The following ASIC2 variants were observed in gnomAD, a reference collection of about 807,000 sequenced individuals.
ASIC2 encodes acid-sensing ion channel 2.
ASIC2 carries 25 observed loss-of-function variants against 57.3 expected under a neutral mutation model. The observed-to-expected ratio is 0.44, with a 90% confidence interval of 0.32 to 0.61. The LOEUF is 0.61. Among genes scored for constraint, ASIC2 ranks in the 20% least tolerant of loss-of-function variants. The pLI is 0.06. For synonymous variants in ASIC2, 319 were observed against 307.5 expected (o/e 1.04, Z -0.39); for missense variants, 641 against 738.1 (o/e 0.87, Z 1.52).
intron 1 of ASIC2, among the ~76,000 whole-genome samples, chr17:33,336,964 G>T (rs553700063): frequency 2.0e-5 from 3 of 152,260 alleles, no homozygotes; most frequent in African/African-American, 7.2e-5. Context: ...AGCAGAGAAG[G>T]GGGATTCATC....
At chr17:33,488,614 A>C (rs905838664) in intron 1 of ASIC2, among the ~76,000 whole-genome samples, 18 of 152,214 alleles carry the variant, frequency 1.2e-4, no homozygotes, top group Non-Finnish European at 2.2e-4. Context: ...AAACACACAC[A>C]GCATAAAATG....
chr17:33,609,598 C>A (rs978332308), intron 1 of ASIC2, among the ~76,000 whole-genome samples: 8 of 152,194 alleles, frequency 5.3e-5, no homozygotes, highest in Non-Finnish European at 1.0e-4. Context: ...CCCTGAAATT[C>A]CCTCCCTCTT....
intron 1 of ASIC2, among the ~76,000 whole-genome samples, chr17:34,031,112 C>G (rs866959931): frequency 6.6e-6 from 1 of 152,200 alleles, no homozygotes; most frequent in Admixed American, 6.5e-5. Context: ...AGGCACCCCC[C>G]AGTAGGGGCA....
chr17:33,358,170 T>C (rs753778738), intron 1 of ASIC2, among the ~76,000 whole-genome samples: 1 of 152,250 alleles, frequency 6.6e-6, no homozygotes, highest in Non-Finnish European at 1.5e-5. Context: ...AGGATAATTG[T>C]ATTTTCTAAC....
intron 1 of ASIC2, among the ~76,000 whole-genome samples, chr17:33,939,279 G>A (rs1034581594): frequency 2.6e-5 from 4 of 152,228 alleles, no homozygotes; most frequent in African/African-American, 9.6e-5. Context: ...CAATTGCCCT[G>A]TGCAGTAGAG....
chr17:33,623,201 T>C (rs1905854327), intron 1 of ASIC2, among the ~76,000 whole-genome samples: 1 of 151,964 alleles, frequency 6.6e-6, no homozygotes, highest in South Asian at 2.1e-4. Context: ...TAATTCCAAC[T>C]CTATCTGCTC....
At chr17:33,987,726 A>G (rs11867975) in intron 1 of ASIC2, among the ~76,000 whole-genome samples, 6,643 of 152,230 alleles carry the variant, frequency 0.044, 478 homozygotes, top group African/African-American at 0.15. Context: ...GTGCCAAGGA[A>G]TGACCAGGGT....
chr17:33,175,696 C>T (rs1242838225), intron 1 of ASIC2, among the ~76,000 whole-genome samples: 1 of 152,086 alleles, frequency 6.6e-6, no homozygotes, highest in African/African-American at 2.4e-5. Context: ...CGGCTGCTGC[C>T]TCCCCTGTCT....
At chr17:33,046,081 G>T (rs2091953273) in intron 3 of ASIC2, among the ~76,000 whole-genome samples, 1 of 152,200 alleles carries the variant, frequency 6.6e-6, no homozygotes, top group South Asian at 2.1e-4. Context: ...GTCATCTGGG[G>T]CTTGACTCTG....
intron 1 of ASIC2, among the ~76,000 whole-genome samples, chr17:33,782,332 A>G (rs1454881467): frequency 6.6e-6 from 1 of 150,786 alleles, no homozygotes; most frequent in East Asian, 1.9e-4. Flanking sequence ...TAGTTTTTGT[A>G]AAGTATAAGG....
Position 33,905,069 on chromosome 17 carries a change from T to A in ASIC2, c.555+250909A>T, listed in dbSNP as rs553000122. Among the ~76,000 whole-genome samples the A allele has an allele frequency of 5.3e-4, 80 of 151,680 alleles. No homozygotes were observed. The South Asian group carries it at 0.016, about 30-fold the overall frequency. Reference sequence around the variant, plus strand: ...CATCATTGGTCACAAATGTTTCTTATGGAATAAAAATACCTAAATGTATTA... The same window carrying A: ...CATCATTGGTCACAAATGTTTCTTAAGGAATAAAAATACCTAAATGTATTA... On this transcript the variant is annotated intron_variant, in intron 1 of 9. Transcript: ENST00000359872.
chr17:33,436,387 T>C (rs1911608455), intron 1 of ASIC2, among the ~76,000 whole-genome samples: 1 of 152,216 alleles, frequency 6.6e-6, no homozygotes, highest in Non-Finnish European at 1.5e-5. Flanking sequence ...ATTGTTTCTA[T>C]AGATAAGATC....
At chr17:33,098,764 C>A (rs532644067) in intron 2 of ASIC2, among the ~76,000 whole-genome samples, 17 of 152,146 alleles carry the variant, frequency 1.1e-4, no homozygotes, top group South Asian at 2.1e-4. Context: ...TTTCATTTTT[C>A]ATTTTTAAGG....
chr17:34,102,186 C>T (rs372910405), intron 1 of ASIC2, among the ~76,000 whole-genome samples: 7 of 151,710 alleles, frequency 4.6e-5, no homozygotes, highest in African/African-American at 7.3e-5. Flanking sequence ...AAAAATTAAC[C>T]GGGTGTGGTG....
intron 1 of ASIC2, among the ~76,000 whole-genome samples, chr17:33,130,814 G>C (rs1363424872): frequency 6.6e-6 from 1 of 152,180 alleles, no homozygotes; most frequent in African/African-American, 2.4e-5. Flanking sequence ...AGACATCTAA[G>C]GGCCCTAAGC....
At chr17:33,444,851 G>A (rs955267600) in intron 1 of ASIC2, among the ~76,000 whole-genome samples, 12 of 152,112 alleles carry the variant, frequency 7.9e-5, no homozygotes, top group African/African-American at 2.7e-4. Flanking sequence ...CTTAAAAGTC[G>A]ACGGTTGGCA....
intron 1 of ASIC2, among the ~76,000 whole-genome samples, chr17:33,887,372 A>G (rs1914854049): frequency 6.6e-6 from 1 of 152,164 alleles, no homozygotes; most frequent in Non-Finnish European, 1.5e-5. Flanking sequence ...CAAAGAGTCA[A>G]CAATGCTCTT....
At chr17:34,004,846 T>C (rs903654508) in intron 1 of ASIC2, 1 of 151,224 alleles carries the variant, frequency 6.6e-6, no homozygotes, top group Non-Finnish European at 1.5e-5. Context: ...CCTTACTTTA[T>C]AGCTAACTCT....
chr17:33,738,349 C>T (rs534311472), intron 1 of ASIC2, among the ~76,000 whole-genome samples: 1 of 152,210 alleles, frequency 6.6e-6, no homozygotes, highest in Admixed American at 6.5e-5. Context: ...TTCCCCCAGA[C>T]CTTCAGGATC....
Sources: gnomAD v4.1 joint callset for allele counts (sites outside exome capture counted in the v4.1 genomes callset) on GRCh38, gnomAD v4.1.1 for gene constraint, MANE v1.5 for transcripts, NCBI Gene and HGNC (gene_info 2026-07-23, HGNC 2026-07-21) for gene names.